The following ZNF644 variants were observed in gnomAD, a reference collection of about 807,000 sequenced individuals.
ZNF644 encodes zinc finger protein 644, also known as zinc finger motif enhancer binding protein 2.
Under a neutral mutation model 108.0 loss-of-function variants are expected in ZNF644, and 20 were observed. The observed-to-expected ratio is 0.19, with a 90% CI of 0.13 to 0.27. The LOEUF (loss-of-function observed/expected upper bound fraction) is 0.27. Ranked by LOEUF, ZNF644 falls within the 10% of genes least tolerant of loss-of-function variation. The pLI is 1.00. For missense variants in ZNF644, 1,338 were observed against 1,548.9 expected (o/e 0.86, Z 2.29); for synonymous variants, 542 against 539.1 (o/e 1.01, Z -0.08).
intron 2 of ZNF644, among the ~76,000 whole-genome samples, chr1:90,942,076 TA>T (rs1208332260): frequency 6.6e-6 from 1 of 152,096 alleles, no homozygotes; most frequent in African/African-American, 2.4e-5. Context: ...TTACTAAAGT[TA>T]AAATTAATGA....
At chr1:91,012,426 T>C (rs1425063490) in intron 1 of ZNF644, among the ~76,000 whole-genome samples, 1 of 151,306 alleles carries the variant, frequency 6.6e-6, no homozygotes, top group Non-Finnish European at 1.5e-5. Flanking sequence ...TGCAGTGAGC[T>C]GAGATTGCGC....
intron 4 of ZNF644, among the ~76,000 whole-genome samples, chr1:90,922,751 T>G (rs1455009243): frequency 6.6e-6 from 1 of 152,022 alleles, no homozygotes; most frequent in Non-Finnish European, 1.5e-5. Flanking sequence ...CCTCCACCCT[T>G]AAGGTAGGCC....
chr1:90,922,563 TG>T (rs1649575107), intron 4 of ZNF644, among the ~76,000 whole-genome samples: 1 of 152,100 alleles, frequency 6.6e-6, no homozygotes, highest in Admixed American at 6.6e-5. Flanking sequence ...GATACACAAG[TG>T]TAAGAAAAAT....
rs137969729 is a variant in ZNF644 at position 90,993,593 on chromosome 1, G to A, written c.-17-11223C>T. ...CATAATAAGTTTTTCTTAGCCCTAG[G>A]AGTTATTTTATATTGACATTTGATT... On this transcript the variant is annotated intron_variant, in intron 1 of 5. Transcript: ENST00000337393. 1.0e-3 allele frequency among the ~76,000 whole-genome samples: 153 copies of A among 152,252 alleles called. 1 individual carries two copies. The highest frequency in any genetic ancestry group is 3.2e-3 in the African/African-American group (134 of 41,554).
chr1:91,006,884 A>T (rs1406695607), intron 1 of ZNF644, among the ~76,000 whole-genome samples: 1 of 152,008 alleles, frequency 6.6e-6, no homozygotes, highest in African/African-American at 2.4e-5. Context: ...AAATATTCTA[A>T]CAACCTCATG....
intron 1 of ZNF644, among the ~76,000 whole-genome samples, chr1:91,011,996 T>G (rs1252272019): frequency 6.6e-6 from 1 of 152,088 alleles, no homozygotes; most frequent in African/African-American, 2.4e-5. Context: ...ATGTTATCGG[T>G]GGAGGCAAAT....
chr1:90,935,440 C>T, intron 4 of ZNF644: 7 of 985,866 alleles, frequency 7.1e-6, no homozygotes, highest in African/African-American at 1.7e-5. Context: ...ACTCTTCTTT[C>T]GTGCATAAGC....
intron 2 of ZNF644, among the ~76,000 whole-genome samples, chr1:90,945,173 T>A (rs1450086790): frequency 6.6e-6 from 1 of 152,088 alleles, no homozygotes; most frequent in Admixed American, 6.5e-5. Flanking sequence ...AGCTAATAAA[T>A]TAAGATAAAT....
intron 4 of ZNF644, among the ~76,000 whole-genome samples, chr1:90,927,830 C>T (rs1650227662): frequency 6.6e-6 from 1 of 151,246 alleles, no homozygotes; most frequent in African/African-American, 2.4e-5. Flanking sequence ...CCCTCCTTCA[C>T]TTCCTTCTTT....
chr1:90,953,013 GAAAAAAAAA>G (rs371575306), intron 2 of ZNF644, among the ~76,000 whole-genome samples: 1 of 94,186 alleles, frequency 1.1e-5, no homozygotes, highest in South Asian at 3.4e-4. Context: ...TTAGACTGAG[GAAAAAAAAA>G]AAAAAAAAGC....
At chr1:90,925,447 G>C (rs1236069653) in intron 4 of ZNF644, among the ~76,000 whole-genome samples, 1 of 151,942 alleles carries the variant, frequency 6.6e-6, no homozygotes, top group African/African-American at 2.4e-5. Context: ...TATGCTCCCA[G>C]GTGGCCATCC....
chr1:91,012,352 C>T (rs1291335147), intron 1 of ZNF644, among the ~76,000 whole-genome samples: 5 of 151,556 alleles, frequency 3.3e-5, no homozygotes, highest in African/African-American at 1.2e-4. Context: ...ATGGCATGCA[C>T]CTGTAGTTCC....
At chr1:90,967,894 C>CGA (rs1320481229) in intron 2 of ZNF644, among the ~76,000 whole-genome samples, 6 of 123,426 alleles carry the variant, frequency 4.9e-5, no homozygotes, top group Admixed American at 8.3e-5. Flanking sequence ...AAAAAAAATA[C>CGA]AAAAAAAAAA....
At chr1:90,922,605 T>G (rs557072622) in intron 4 of ZNF644, among the ~76,000 whole-genome samples, 1 of 152,274 alleles carries the variant, frequency 6.6e-6, no homozygotes, top group Non-Finnish European at 1.5e-5. Context: ...AACCTTTATT[T>G]TAACTTCAGG....
At chr1:90,937,459 T>C (rs1651445088) in intron 4 of ZNF644, 26 bp downstream of exon 4, 2 of 1,613,170 alleles carry the variant, frequency 1.2e-6, no homozygotes, top group African/African-American at 1.3e-5. Flanking sequence ...AAACTGTGTA[T>C]AGCATAGTCA....
intron 2 of ZNF644, among the ~76,000 whole-genome samples, chr1:90,949,010 A>T (rs1652810259): frequency 1.3e-5 from 2 of 152,140 alleles, no homozygotes; most frequent in South Asian, 4.1e-4. Flanking sequence ...TCTAATGAGA[A>T]ATAGAACTTG....
chr1:91,011,756 T>TA (rs934980789), intron 1 of ZNF644, among the ~76,000 whole-genome samples: 16 of 151,314 alleles, frequency 1.1e-4, no homozygotes, highest in Admixed American at 2.0e-4. Context: ...TGCCTACCTA[T>TA]AAAAAAAAAG....
chr1:90,955,281 T>C (rs921860110), intron 2 of ZNF644, among the ~76,000 whole-genome samples: 1 of 152,194 alleles, frequency 6.6e-6, no homozygotes, highest in African/African-American at 2.4e-5. Flanking sequence ...GCCCTAAGAT[T>C]TATGGAATTG....
chr1:91,004,723 A>G (rs74099900), intron 1 of ZNF644, among the ~76,000 whole-genome samples: 1,931 of 152,312 alleles, frequency 0.013, 38 homozygotes, highest in African/African-American at 0.044. Context: ...AGAGCTATAT[A>G]GGAGCAAAAT....
Sources: gnomAD v4.1 joint callset for allele counts (sites outside exome capture counted in the v4.1 genomes callset) on GRCh38, gnomAD v4.1.1 for gene constraint, MANE v1.5 for transcripts, NCBI Gene and HGNC (gene_info 2026-07-23, HGNC 2026-07-21) for gene names.